The following TMEM181 variants were observed in gnomAD, a reference collection of about 807,000 sequenced individuals.
TMEM181 encodes the protein G protein-coupled receptor 178.
TMEM181 carries 39 observed loss-of-function variants against 71.9 expected under a neutral mutation model. The ratio of observed to expected loss-of-function variants is 0.54; its 90% CI spans 0.42 to 0.71. The LOEUF is 0.71. Among genes scored for constraint, TMEM181 ranks in the 30% least tolerant of loss-of-function variants. The pLI is 0.00. For missense variants in TMEM181, 595 were observed against 583.0 expected (o/e 1.02, Z -0.21); for synonymous variants, 245 against 228.8 (o/e 1.07, Z -0.64).
intron 1 of TMEM181, among the ~76,000 whole-genome samples, chr6:158,546,866 C>T (rs376339194): frequency 1.2e-4 from 19 of 152,018 alleles, no homozygotes; most frequent in Middle Eastern, 3.4e-3. Context: ...AGGCTGAGGC[C>T]GGAGAATCAT....
intron 2 of TMEM181, among the ~76,000 whole-genome samples, chr6:158,580,278 T>C (rs557739187): frequency 1.3e-5 from 2 of 151,876 alleles, no homozygotes; most frequent in East Asian, 1.9e-4. Flanking sequence ...GGTGGTGAGC[T>C]GAGACTGCGC....
At chr6:158,602,028 GATC>G (rs1368189604) in intron 6 of TMEM181, among the ~76,000 whole-genome samples, 1 of 152,136 alleles carries the variant, frequency 6.6e-6, no homozygotes, top group East Asian at 1.9e-4. Context: ...CCACAATCAA[GATC>G]ATAAGCATCC....
intron 13 of TMEM181, among the ~76,000 whole-genome samples, chr6:158,626,091 C>T (rs1786259785): frequency 6.6e-6 from 1 of 152,206 alleles, no homozygotes. Flanking sequence ...CCTTGGGGTG[C>T]CCCAGGGACA....
rs1007430741 is a variant in TMEM181 at position 158,589,581 on chromosome 6, A to C, written c.382-91A>C. ...TCCCTGGAGACAATGAGTTCTGCCC[A>C]TCTGCTGTTGAAACGTGTTACTTCA... On this transcript the variant is annotated intron_variant, in intron 5 of 16. Transcript: ENST00000684151. 3 of 919,534 alleles carry C rather than the reference A, an allele frequency of 3.3e-6. No individual in the cohort carries two copies. In the African/African-American group the frequency reaches 4.9e-5, roughly 15 times the overall value. The allele number at this position is 919,534 out of a possible 1,614,324, so 57.0% of individuals were successfully genotyped here.
At position 158,607,284 on chromosome 6, in the gene TMEM181, A is replaced by G. The variant is rs1359081313; in HGVS notation, c.614A>G (p.Asp205Gly). The part of the protein sequence containing the change: ...AHSLRKFSMR[D>G]WGIEQKWMSV... The stretch of plus-strand genomic sequence containing the variant: ...TCCCTCCGGAAATTTTCCATGAGAG[A>G]CTGGGGCATCGAGCAGAAGTGGATG... The change falls in exon 8 of 17, where the codon GAC becomes GGC. Residue 205 changes from aspartate to glycine, a missense_variant. Asp to Gly is a moderately conservative substitution (Grantham distance 94, BLOSUM62 -1). Transcript: ENST00000684151. The G allele has an allele frequency of 6.2e-7, 1 of 1,614,164 alleles. No homozygotes were observed. Among genetic ancestry groups the G allele is most frequent in the East Asian group, 2.2e-5 (1 of 44,888 alleles).
intron 1 of TMEM181, among the ~76,000 whole-genome samples, chr6:158,537,360 G>A (rs1033373744): frequency 2.0e-5 from 3 of 152,040 alleles, no homozygotes; most frequent in Admixed American, 6.5e-5. Flanking sequence ...AGGCGGGGGC[G>A]CCGCCAAGGG....
chr6:158,560,012 G>C, upstream of TMEM181: 1 of 982,280 alleles, frequency 1.0e-6, no homozygotes, highest in East Asian at 1.1e-4. Context: ...CGCGCCCGCG[G>C]CCCCGCTTCC....
intron 2 of TMEM181, among the ~76,000 whole-genome samples, 180 bp downstream of exon 2, chr6:158,573,703 G>T (rs567872461): frequency 1.3e-5 from 2 of 152,300 alleles, no homozygotes; most frequent in African/African-American, 4.8e-5. Flanking sequence ...TGTCTCTTGT[G>T]GGGGAGGTGT....
chr6:158,552,547 A>G (rs1376197008), intron 1 of TMEM181, among the ~76,000 whole-genome samples: 1 of 152,230 alleles, frequency 6.6e-6, no homozygotes. Context: ...ATCAAGTTAC[A>G]CTGGAGGAAA....
Position 158,585,415 on chromosome 6 carries a change from CAT to C in TMEM181, c.372_373del (p.Ala126ArgfsTer26), listed in dbSNP as rs746753710. ...GTTCACAACCGGACAAGGACCCTCA[CAT>C]GTGCAGGGGTGAGTGTGTGGGGTGA... On this transcript the variant is annotated frameshift_variant, in exon 5 of 17. Transcript: ENST00000684151. LOFTEE classifies it high-confidence loss of function. 1 of 1,607,508 alleles carries C rather than the reference CAT, an allele frequency of 6.2e-7. No homozygotes were observed. The highest frequency in any genetic ancestry group is 2.2e-5 in the East Asian group (1 of 44,572).
At chr6:158,571,676 G>T (rs1474948721) in intron 1 of TMEM181, among the ~76,000 whole-genome samples, 1 of 152,254 alleles carries the variant, frequency 6.6e-6, no homozygotes, top group Non-Finnish European at 1.5e-5. Context: ...AACTGCGGAA[G>T]GTCAGAGGAG....
intron 1 of TMEM181, among the ~76,000 whole-genome samples, chr6:158,567,921 C>T (rs534083321): frequency 1.1e-3 from 161 of 152,146 alleles, no homozygotes; most frequent in Admixed American, 2.9e-3. Flanking sequence ...TTTGAAAGGC[C>T]TGTCTAAACT....
chr6:158,621,116 A>G (rs964014040), intron 10 of TMEM181, among the ~76,000 whole-genome samples: 7 of 152,054 alleles, frequency 4.6e-5, no homozygotes, highest in African/African-American at 1.7e-4. Flanking sequence ...TAGCTTTCCT[A>G]TCTTGGTGCA....
intron 10 of TMEM181, among the ~76,000 whole-genome samples, chr6:158,618,263 G>A (rs1223362399): frequency 3.9e-5 from 6 of 152,068 alleles, no homozygotes; most frequent in Admixed American, 3.9e-4. Flanking sequence ...GATCTTTGTT[G>A]GTTTAAAGTT....
Position 158,580,969 on chromosome 6 carries a change from A to G in TMEM181, c.142A>G (p.Asn48Asp), listed in dbSNP as rs767189868. 1.9e-5 allele frequency: 31 copies of G among 1,609,602 alleles called. No homozygotes were observed. The highest frequency in any genetic ancestry group is 3.3e-4 in the Middle Eastern group (2 of 6,048). Residue 48 changes from asparagine to aspartate, a missense_variant, in exon 3 of 17, where the codon AAT (asparagine) becomes GAT (aspartate). By Grantham distance (23) the Asn-to-Asp change is conservative (BLOSUM62 1). Transcript: ENST00000684151. ...GPKVIQTSAANFSLNNSKKLK... is the reference protein window; with the variant it reads ...GPKVIQTSAADFSLNNSKKLK... ...TAAAGTGATCCAGACTTCTGCGGCTAATTTTTCACTAAATAATAGCAAAAA... is the reference window on the plus strand; with the variant it reads ...TAAAGTGATCCAGACTTCTGCGGCTGATTTTTCACTAAATAATAGCAAAAA...
chr6:158,626,765 CAT>C (rs760145992), intron 13 of TMEM181: 28 of 457,026 alleles, frequency 6.1e-5, no homozygotes, highest in Middle Eastern at 3.2e-4. Flanking sequence ...CACAACCTCA[CAT>C]AGAGGCTCAC....
intron 10 of TMEM181, among the ~76,000 whole-genome samples, chr6:158,617,921 G>C (rs1202045031): frequency 1.3e-5 from 2 of 152,260 alleles, no homozygotes; most frequent in African/African-American, 2.4e-5. Flanking sequence ...TTTGGAATAA[G>C]TATGATGTGG....
Position 158,618,041 on chromosome 6 carries a change from T to C in TMEM181, c.897-5509T>C, listed in dbSNP as rs147018448. 4.6e-3 allele frequency among the ~76,000 whole-genome samples: 705 copies of C among 152,312 alleles called. 5 individuals carry two copies. Among genetic ancestry groups the C allele is most frequent in the African/African-American group, 0.016 (674 of 41,556 alleles). On this transcript the variant is annotated intron_variant, in intron 10 of 16. Transcript: ENST00000684151. ...CAAGTCCCGGATATCCTTGTTAGCTTTCTGTCTTGTTGATCTGTCTAATGT... is the reference window on the plus strand; with the variant it reads ...CAAGTCCCGGATATCCTTGTTAGCTCTCTGTCTTGTTGATCTGTCTAATGT...
chr6:158,566,361 A>G (rs1191955302), intron 1 of TMEM181, among the ~76,000 whole-genome samples: 1 of 151,906 alleles, frequency 6.6e-6, no homozygotes, highest in Non-Finnish European at 1.5e-5. Context: ...GTGAGAGTAG[A>G]GAAGGGGAGG....
Sources: allele counts gnomAD v4.1 joint callset (sites outside exome capture counted in the v4.1 genomes callset), GRCh38; gene constraint gnomAD v4.1.1; transcripts MANE v1.5; gene names NCBI Gene and HGNC (gene_info 2026-07-23, HGNC 2026-07-21).